PRPF19: variants seen among roughly 807,000 people sequenced by gnomAD.
The protein encoded by PRPF19 is pre-mRNA processing factor 19, also known as pre-mRNA-processing factor 19.
A neutral mutation model predicts 64.2 loss-of-function variants in PRPF19; 2 were observed. That is an observed-to-expected ratio of 0.03 (90% CI 0.01 to 0.10). The LOEUF (loss-of-function observed/expected upper bound fraction) is 0.10. Among genes scored for constraint, PRPF19 ranks in the 10% least tolerant of loss-of-function variants. The pLI, the probability that PRPF19 is intolerant of heterozygous loss-of-function variation, is 1.00. For synonymous variants in PRPF19, 226 were observed against 251.6 expected (o/e 0.90, Z 0.96); for missense variants, 314 against 650.0 (o/e 0.48, Z 5.62).
Position 60,903,484 on chromosome 11 carries a change from A to G in PRPF19, c.221T>C (p.Ile74Thr). The change falls in exon 3 of 16, where the codon ATT becomes ACT. Residue 74 changes from isoleucine to threonine, a missense_variant. Physicochemically the swap from Ile to Thr is moderately conservative, Grantham distance 89. Transcript: ENST00000227524. ...KPPSATSIPA[I>T]LKALQDEWDA... ...CCACTCATCCTGCAAAGCTTTCAGA[A>G]TGGCCGGGATGCTGGTGGCTGAGGG... 6.2e-7 allele frequency: 1 copy of G among 1,613,962 alleles called. No homozygotes were observed. Among genetic ancestry groups the G allele is most frequent in the Non-Finnish European group, 8.5e-7 (1 of 1,179,982 alleles).
intron 15 of PRPF19, among the ~76,000 whole-genome samples, chr11:60,896,999 G>C (rs1270301571): frequency 6.6e-6 from 1 of 152,138 alleles, no homozygotes; most frequent in African/African-American, 2.4e-5. Flanking sequence ...TGAAGAAAAA[G>C]TTTTTTATGA....
chr11:60,902,040 A>T lies in PRPF19; in HGVS notation c.525+363T>A, dbSNP rs1855988565. 6.6e-6 allele frequency among the ~76,000 whole-genome samples: 1 copy of T among 152,236 alleles called. No homozygotes were observed. The highest frequency in any genetic ancestry group is 2.4e-5 in the African/African-American group (1 of 41,458). ...CTATTGCCCTCATAGAAAAAAAACA[A>T]GAAAATATATAAAAGTAGTTTACTA... On this transcript the variant is annotated intron_variant, in intron 6 of 15. Transcript: ENST00000227524. This position sits in a 1 kb window ranked among gnomAD's most constrained non-coding sequence, Gnocchi z 5.0.
At chr11:60,893,731 G>C (rs1037249770) in intron 15 of PRPF19, among the ~76,000 whole-genome samples, 1 of 152,124 alleles carries the variant, frequency 6.6e-6, no homozygotes, top group Non-Finnish European at 1.5e-5. Flanking sequence ...GAGGCAGGTG[G>C]ATCGCTTGAG....
chr11:60,897,819 T>A (rs759536653), intron 15 of PRPF19, 27 bp downstream of exon 15: 19 of 1,591,774 alleles, frequency 1.2e-5, no homozygotes, highest in Admixed American at 1.2e-4. Context: ...CCTAGAGAGA[T>A]CCCAGGAGCC....
intron 15 of PRPF19, 39 bp downstream of exon 15, chr11:60,897,807 C>G (rs755849094): frequency 6.4e-7 from 1 of 1,567,790 alleles, no homozygotes; most frequent in Non-Finnish European, 8.8e-7. Context: ...CGGGCCTGGG[C>G]ACCTAGAGAG....
intron 15 of PRPF19, among the ~76,000 whole-genome samples, chr11:60,892,692 C>A (rs576762314): frequency 4.7e-4 from 71 of 152,296 alleles, no homozygotes; most frequent in Non-Finnish European, 7.9e-4. Context: ...GAACCAAGGT[C>A]TCTCTGACCA....
intron 15 of PRPF19, among the ~76,000 whole-genome samples, chr11:60,895,624 T>G (rs1158617406): frequency 6.6e-6 from 1 of 152,318 alleles, no homozygotes; most frequent in Non-Finnish European, 1.5e-5. Flanking sequence ...CTTTCATAAC[T>G]TGACTAATAT....
At chr11:60,894,474 G>A (rs1337735414) in intron 15 of PRPF19, among the ~76,000 whole-genome samples, 1 of 152,136 alleles carries the variant, frequency 6.6e-6, no homozygotes, top group African/African-American at 2.4e-5. Flanking sequence ...CAGCAATTCA[G>A]TCCCATCTTT....
In PRPF19 at chr11:60,898,007, G is replaced by A; in HGVS notation, c.1312-56C>T. The A allele has an allele frequency of 6.2e-7, 1 of 1,607,754 alleles. No homozygotes were observed. Among genetic ancestry groups the A allele is most frequent in the Non-Finnish European group, 8.5e-7 (1 of 1,175,324 alleles). ...CAAGGGGAACAGAAACTATGGGGCA[G>A]TTGCGGATAAGCAGAAGCAATTAGA... On this transcript the variant is annotated intron_variant, in intron 14 of 15. Transcript: ENST00000227524. This position sits in a 1 kb window ranked among gnomAD's most constrained non-coding sequence, Gnocchi z 4.6.
At chr11:60,895,642 T>G (rs887404359) in intron 15 of PRPF19, among the ~76,000 whole-genome samples, 1 of 152,220 alleles carries the variant, frequency 6.6e-6, no homozygotes, top group African/African-American at 2.4e-5. Flanking sequence ...TATTTGGTGT[T>G]GAGGCCTAGC....
At chr11:60,901,668 G>C (rs1344944763) in intron 6 of PRPF19, 128 bp from the exon 7 acceptor site, 2 of 1,023,124 alleles carry the variant, frequency 2.0e-6, no homozygotes, top group Non-Finnish European at 2.9e-6. Flanking sequence ...CTACGTTACA[G>C]GCTTAAAGGC....
chr11:60,896,539 C>A (rs1018024701), intron 15 of PRPF19, among the ~76,000 whole-genome samples: 6 of 152,196 alleles, frequency 3.9e-5, no homozygotes, highest in Admixed American at 2.6e-4. Context: ...CTCACGAGAT[C>A]TGATGGTTTT....
chr11:60,898,953 A>C lies in PRPF19; in HGVS notation c.985-22T>G. 2 of 1,572,992 alleles carry C rather than the reference A, an allele frequency of 1.3e-6. No individual in the cohort carries two copies. The highest frequency in any genetic ancestry group is 1.3e-5 in the African/African-American group (1 of 74,318). ...AGTACTGGGGAAAAAAAAAGAGACA[A>C]TGGAGTCAGTGAGAAAGTGGGTCCC... On this transcript the variant is annotated intron_variant, in intron 11 of 15. Coordinates refer to ENST00000227524, the MANE Select transcript of PRPF19 (RefSeq NM_014502.5). The surrounding 1 kb of genome is among the most constrained non-coding windows in gnomAD (Gnocchi z 4.6).
chr11:60,906,118 G>C (rs1441687069), intron 1 of PRPF19, among the ~76,000 whole-genome samples: 2 of 152,250 alleles, frequency 1.3e-5, no homozygotes, highest in African/African-American at 4.8e-5. Context: ...CCACTCTGTA[G>C]AATGAGGCGA....
chr11:60,893,636 A>T (rs759986112), intron 15 of PRPF19, among the ~76,000 whole-genome samples: 11 of 152,022 alleles, frequency 7.2e-5, no homozygotes, highest in Non-Finnish European at 1.3e-4. Context: ...AGGCACACAA[A>T]TTTTTTTGGT....
chr11:60,902,744 T>C lies in PRPF19; in HGVS notation c.384A>G (p.Arg128=), dbSNP rs757073697. ...ARLTKEVTAA[R]EALATLKPQA... ...ATGGCAGGGGAGAGGCTGCACCTTC[T>C]CGGGCAGCAGTGACTTCCTTGGTGA... The change falls in exon 4 of 16, where the codon CGA becomes CGG. Residue 128 remains arginine, a synonymous_variant. Transcript: ENST00000227524. This position sits in a 1 kb window ranked among gnomAD's most constrained non-coding sequence, Gnocchi z 5.0. The C allele has an allele frequency of 6.2e-6, 10 of 1,614,014 alleles. No individual in the cohort carries two copies. The highest frequency in any genetic ancestry group is 1.7e-5 in the Admixed American group (1 of 59,992).
chr11:60,891,026 C>A lies in PRPF19; in HGVS notation c.*140G>T, dbSNP rs957936827. The A allele has an allele frequency of 3.9e-5, 27 of 685,680 alleles. No homozygotes were observed. In the African/African-American group the frequency reaches 4.3e-4, roughly 11 times the overall value. The allele number at this position is 685,680 out of a possible 1,614,324, so 42.5% of individuals were successfully genotyped here. A position where few individuals can be genotyped will look rare whatever the true frequency, so the allele number is the denominator to read the frequency against. ...TGCCACCATGGTTCTCAGGCCACCA[C>A]TCAGACCAGAGTGAAATGATGTGAA... On this transcript the variant is annotated 3_prime_UTR_variant, in exon 16 of 16. Coordinates refer to ENST00000227524, the MANE Select transcript of PRPF19 (RefSeq NM_014502.5).
intron 15 of PRPF19, among the ~76,000 whole-genome samples, chr11:60,896,093 G>T (rs552470448): frequency 6.6e-6 from 1 of 152,260 alleles, no homozygotes; most frequent in East Asian, 1.9e-4. Context: ...GACTTGCTTG[G>T]GGCAAGGTTG....
chr11:60,900,634 G>T lies in PRPF19; in HGVS notation c.776C>A (p.Thr259Asn). 6.4e-7 allele frequency: 1 copy of T among 1,559,026 alleles called. No individual in the cohort carries two copies. The highest frequency in any genetic ancestry group is 1.4e-5 in the African/African-American group (1 of 73,728). The change falls in exon 10 of 16, where the codon ACC becomes AAC. Residue 259 changes from threonine (T) to asparagine (N), a missense_variant. Coordinates refer to ENST00000227524, the MANE Select transcript of PRPF19 (RefSeq NM_014502.5). ...FDKSSEQILA[T>N]LKGHTKKVTS... ...GACCTTCTTGGTATGGCCTTTGAGGGTAGCCAGGATTTGTTCAGAACTTTT... is the reference window on the plus strand; with the variant it reads ...GACCTTCTTGGTATGGCCTTTGAGGTTAGCCAGGATTTGTTCAGAACTTTT...
Sources: allele counts gnomAD v4.1 joint callset (sites outside exome capture counted in the v4.1 genomes callset), GRCh38; gene constraint gnomAD v4.1.1; non-coding constraint Gnocchi (gnomAD v3.1); transcripts MANE v1.5; gene names NCBI Gene and HGNC (gene_info 2026-07-23, HGNC 2026-07-21).